The following CPNE4 variants were observed in gnomAD, a reference collection of about 807,000 sequenced individuals.
CPNE4 encodes copine-4.
CPNE4 carries 25 observed loss-of-function variants against 67.9 expected under a neutral mutation model. The ratio of observed to expected loss-of-function variants is 0.37; its 90% CI spans 0.27 to 0.51. CPNE4 has a LOEUF of 0.51. CPNE4 is among the 20% of genes least tolerant of loss of function. The pLI is 0.93. For synonymous variants in CPNE4, 242 were observed against 244.9 expected, an observed-to-expected ratio of 0.99 and a Z score of 0.11; for missense variants, 464 against 690.8, an observed-to-expected ratio of 0.67 and a Z score of 3.68.
chr3:131,785,794 GA>G (rs1406548386), intron 2 of CPNE4, among the ~76,000 whole-genome samples: 2 of 151,940 alleles, frequency 1.3e-5, no homozygotes, highest in Admixed American at 6.6e-5. Context: ...TCAGGGTTTG[GA>G]GGTGTCCCTA....
intron 3 of CPNE4, among the ~76,000 whole-genome samples, chr3:131,713,968 A>G (rs1437367095): frequency 6.6e-6 from 1 of 152,076 alleles, no homozygotes; most frequent in Non-Finnish European, 1.5e-5. Flanking sequence ...GTGATTACTT[A>G]TGACATCATT....
At chr3:131,942,463 T>TGTGTGAGAGAGAGAGA (rs2071424814) in intron 1 of CPNE4, among the ~76,000 whole-genome samples, 1 of 70,748 alleles carries the variant, frequency 1.4e-5, no homozygotes, top group African/African-American at 5.0e-5. Context: ...TGTGTGTGTG[T>TGTGTGAGAGAGAGAGA]GAGAGAGAGA....
intron 2 of CPNE4, among the ~76,000 whole-genome samples, chr3:131,819,509 CA>C (rs2084878809): frequency 6.6e-6 from 1 of 151,214 alleles, no homozygotes; most frequent in Admixed American, 6.6e-5. Flanking sequence ...CACACACACA[CA>C]CACACACACA....
chr3:132,035,831 C>T (rs554874631), upstream of CPNE4, among the ~76,000 whole-genome samples: 5 of 152,302 alleles, frequency 3.3e-5, no homozygotes, highest in East Asian at 9.6e-4. Flanking sequence ...AAGTGAATGA[C>T]GGTCTCTTTC....
chr3:131,796,751 G>A (rs754083358), intron 2 of CPNE4, among the ~76,000 whole-genome samples: 1 of 152,094 alleles, frequency 6.6e-6, no homozygotes, highest in Non-Finnish European at 1.5e-5. Flanking sequence ...AAATGTCATC[G>A]CATTTGCAAA....
intron 2 of CPNE4, among the ~76,000 whole-genome samples, chr3:131,848,269 TA>T (rs2086081804): frequency 6.6e-6 from 1 of 151,992 alleles, no homozygotes; most frequent in African/African-American, 2.4e-5. Flanking sequence ...CACAAGCAAA[TA>T]AAAAAGGGAA....
chr3:131,868,930 C>T (rs1329342867), intron 2 of CPNE4, among the ~76,000 whole-genome samples: 1 of 152,050 alleles, frequency 6.6e-6, no homozygotes, highest in Non-Finnish European at 1.5e-5. Flanking sequence ...CATATTCTCC[C>T]CAAAGTATCT....
chr3:131,820,624 T>C (rs1399939123), intron 2 of CPNE4, among the ~76,000 whole-genome samples: 1 of 152,224 alleles, frequency 6.6e-6, no homozygotes, highest in African/African-American at 2.4e-5. Context: ...CATCTCTTTC[T>C]AATAGAAGTT....
rs1343320693 is a variant in CPNE4, at chr3:131,723,603, C to T, written c.203G>A (p.Arg68His). Reference protein sequence around the residue: ...WFEVDRTEVIRTCINPVYSKL... With the variant: ...WFEVDRTEVIHTCINPVYSKL... ...TGAGTACACTGGGTTTATGCAGGTG[C>T]GAATCACCTCAGTCCTGTCAACCTG... Residue 68 changes from arginine to histidine, a missense_variant, in exon 3 of 16, where the codon CGC (arginine) becomes CAC (histidine). Physicochemically the swap from Arg to His is conservative, Grantham distance 29. Transcript: ENST00000429747. 24 of 1,613,578 alleles carry T rather than the reference C, an allele frequency of 1.5e-5. No homozygotes were observed. The highest frequency in any genetic ancestry group is 1.9e-5 in the Non-Finnish European group (22 of 1,179,712).
intron 1 of CPNE4, among the ~76,000 whole-genome samples, chr3:131,956,879 AG>A (rs2071991678): frequency 6.6e-6 from 1 of 152,220 alleles, no homozygotes; most frequent in East Asian, 1.9e-4. Context: ...TTTATCCCCA[AG>A]TTTTAGCCTT....
chr3:131,995,658 C>T (rs1041573240), intron 1 of CPNE4, among the ~76,000 whole-genome samples: 1 of 152,204 alleles, frequency 6.6e-6, no homozygotes, highest in East Asian at 1.9e-4. Flanking sequence ...AGCCTGGCGA[C>T]TGCCTAGCAG....
intron 1 of CPNE4, among the ~76,000 whole-genome samples, chr3:131,948,726 A>C (rs1232676378): frequency 6.6e-6 from 1 of 152,208 alleles, no homozygotes; most frequent in Non-Finnish European, 1.5e-5. Context: ...TGAGAAGGTC[A>C]CTTTTTTGGA....
intron 2 of CPNE4, among the ~76,000 whole-genome samples, chr3:131,770,470 A>C (rs2083138126): frequency 6.6e-6 from 1 of 152,242 alleles, no homozygotes; most frequent in Non-Finnish European, 1.5e-5. Flanking sequence ...TCAGTGAGGC[A>C]GACGAGCTGC....
At chr3:131,547,321 G>T (rs1311681239) in intron 14 of CPNE4, among the ~76,000 whole-genome samples, 1 of 151,884 alleles carries the variant, frequency 6.6e-6, no homozygotes, top group African/African-American at 2.4e-5. Flanking sequence ...TGGGCGTGGT[G>T]GCACATGCCT....
intron 2 of CPNE4, among the ~76,000 whole-genome samples, chr3:131,840,453 G>C (rs1455916696): frequency 6.6e-6 from 1 of 152,172 alleles, no homozygotes; most frequent in Non-Finnish European, 1.5e-5. Flanking sequence ...TTAAATTTCT[G>C]CTCAGCTGAG....
intron 6 of CPNE4, among the ~76,000 whole-genome samples, chr3:131,682,657 C>T (rs1265406238): frequency 6.6e-6 from 1 of 151,976 alleles, no homozygotes; most frequent in Non-Finnish European, 1.5e-5. Context: ...TATGTTCACA[C>T]AAGGCTCTAG....
At chr3:131,632,957 G>C (rs1235879000) in intron 7 of CPNE4, among the ~76,000 whole-genome samples, 1 of 152,046 alleles carries the variant, frequency 6.6e-6, no homozygotes, top group East Asian at 1.9e-4. Flanking sequence ...TATCTCTCCA[G>C]TCCAGACCTT....
At chr3:131,758,690 C>T (rs2107809387) in intron 2 of CPNE4, among the ~76,000 whole-genome samples, 1 of 152,162 alleles carries the variant, frequency 6.6e-6, no homozygotes, top group African/African-American at 2.4e-5. Context: ...TATGTCCTCA[C>T]CCAAATCTAA....
chr3:131,845,279 T>C (rs1226300925), intron 2 of CPNE4, among the ~76,000 whole-genome samples: 2 of 152,214 alleles, frequency 1.3e-5, no homozygotes, highest in Non-Finnish European at 2.9e-5. Context: ...CATTCAAATA[T>C]ATTATCTCAC....
Sources: allele counts gnomAD v4.1 joint callset (sites outside exome capture counted in the v4.1 genomes callset), GRCh38; gene constraint gnomAD v4.1.1; transcripts MANE v1.5; gene names NCBI Gene and HGNC (gene_info 2026-07-23, HGNC 2026-07-21).